The following RERE variants were observed in gnomAD, a reference collection of about 807,000 sequenced individuals.
RERE encodes arginine-glutamic acid dipeptide repeats protein.
In RERE, 40 loss-of-function variants were observed where a neutral mutation model predicts 146.1. That is an observed-to-expected ratio of 0.27 (90% CI 0.21 to 0.36). The LOEUF is 0.36. Ranked by LOEUF, RERE falls within the 10% of genes least tolerant of loss-of-function variation. The pLI, the probability that RERE is intolerant of heterozygous loss-of-function variation, is 1.00. For synonymous variants in RERE, 1,003 were observed against 866.0 expected (o/e 1.16, Z -2.78); for missense variants, 1,933 against 2,138.7 (o/e 0.90, Z 1.90).
At chr1:8,550,700 C>T (rs943885310) in intron 6 of RERE, among the ~76,000 whole-genome samples, 2 of 152,168 alleles carry the variant, frequency 1.3e-5, no homozygotes, top group African/African-American at 4.8e-5. Flanking sequence ...GCACCAGCCA[C>T]CACACTCGGC....
At chr1:8,771,313 G>C (rs1258815348) in intron 1 of RERE, among the ~76,000 whole-genome samples, 1 of 151,840 alleles carries the variant, frequency 6.6e-6, no homozygotes, top group Non-Finnish European at 1.5e-5. Context: ...CTTGAGGTCA[G>C]GAGTTCGAGT....
At chr1:8,525,761 G>T (rs75355390) in intron 7 of RERE, 2 of 1,599,424 alleles carry the variant, frequency 1.3e-6, no homozygotes, top group Non-Finnish European at 1.7e-6. Flanking sequence ...TAGCCTACCT[G>T]CAGGGGCTGA....
intron 1 of RERE, among the ~76,000 whole-genome samples, chr1:8,735,505 T>C (rs1640177257): frequency 6.6e-6 from 1 of 152,200 alleles, no homozygotes; most frequent in East Asian, 1.9e-4. Flanking sequence ...ATCTTTGAGA[T>C]TGTTCCGTGT....
At chr1:8,623,926 A>C (rs1474854839) in intron 3 of RERE, among the ~76,000 whole-genome samples, 1 of 152,224 alleles carries the variant, frequency 6.6e-6, no homozygotes, top group Non-Finnish European at 1.5e-5. Context: ...TTTCCACTGG[A>C]AACTATTCTC....
At chr1:8,639,680 C>T (rs754801190) in intron 2 of RERE, among the ~76,000 whole-genome samples, 3 of 152,198 alleles carry the variant, frequency 2.0e-5, no homozygotes, top group Non-Finnish European at 2.9e-5. Flanking sequence ...GGTAATTAAA[C>T]TACTACTTTT....
chr1:8,503,061 G>A (rs1040447930), intron 8 of RERE, among the ~76,000 whole-genome samples: 17 of 148,520 alleles, frequency 1.1e-4, no homozygotes, highest in African/African-American at 4.0e-4. Context: ...CCCCCTCTGC[G>A]AGAAACACCC....
At position 8,353,115 on chromosome 1, in the gene RERE, G is replaced by A. The variant is rs951153446; in HGVS notation, c.*1972C>T. 1 of 152,462 alleles carries A rather than the reference G, an allele frequency of 6.6e-6. No individual in the cohort carries two copies. The allele number at this position is 152,462 out of a possible 1,614,324, so 9.4% of individuals were successfully genotyped here. ...GCCTGTCCCCACCCCAGAAGGAAAC[G>A]AATGCCTTCAAGCCAATGTGGCCTG... On this transcript the variant is annotated 3_prime_UTR_variant, in exon 23 of 23. Transcript: ENST00000400908.
intron 2 of RERE, among the ~76,000 whole-genome samples, chr1:8,634,925 T>G (rs1336846919): frequency 6.6e-6 from 1 of 152,082 alleles, no homozygotes; most frequent in Admixed American, 6.5e-5. Flanking sequence ...TTAGTAGAGA[T>G]GAGGTTTCAC....
At chr1:8,459,146 G>A (rs1252558969) in intron 11 of RERE, among the ~76,000 whole-genome samples, 2 of 152,130 alleles carry the variant, frequency 1.3e-5, no homozygotes, top group African/African-American at 2.4e-5. Context: ...TTCAAAGGCC[G>A]ATGGGAATTA....
intron 11 of RERE, among the ~76,000 whole-genome samples, chr1:8,442,332 C>T (rs1360163870): frequency 2.0e-5 from 3 of 147,838 alleles, no homozygotes; most frequent in African/African-American, 7.6e-5. Context: ...CACAGTGGAC[C>T]AAGATGGTGC....
intron 12 of RERE, among the ~76,000 whole-genome samples, chr1:8,392,665 T>C (rs2661863): frequency 0.73 from 111,715 of 152,002 alleles, 41,570 homozygotes; most frequent in East Asian, 0.91. Flanking sequence ...AGTCCATCTA[T>C]GAGGGACGTG....
intron 1 of RERE, among the ~76,000 whole-genome samples, chr1:8,793,174 A>AAAAAAAAAAAAG (rs756022312): frequency 2.7e-4 from 34 of 127,072 alleles, no homozygotes; most frequent in East Asian, 4.9e-4. Flanking sequence ...AAAAAAAAAA[A>AAAAAAAAAAAAG]AAAGAAAGAA....
intron 11 of RERE, among the ~76,000 whole-genome samples, chr1:8,426,370 C>G (rs1182004457): frequency 1.3e-5 from 2 of 150,858 alleles, no homozygotes; most frequent in Non-Finnish European, 2.9e-5. Flanking sequence ...AGGAGAATGG[C>G]GTCAACCCGG....
At chr1:8,789,484 A>G (rs1162598608) in intron 1 of RERE, among the ~76,000 whole-genome samples, 2 of 151,444 alleles carry the variant, frequency 1.3e-5, no homozygotes, top group Non-Finnish European at 2.9e-5. Context: ...ACACAGATGC[A>G]CACATAACTC....
rs1308385933 is a variant in RERE at position 8,364,442 on chromosome 1, C to T, written c.1541-187G>A. Among the ~76,000 whole-genome samples, 5 of 152,172 alleles carry T rather than the reference C, an allele frequency of 3.3e-5. No individual in the cohort carries two copies. The East Asian group carries it at 9.7e-4, about 29-fold the overall frequency. ...CAAGGCCAGGAGAGGGTTTCAGGGG[C>T]ATCTGCTGCCCACTTCAACTTGGGG... On this transcript the variant is annotated intron_variant, in intron 14 of 22. Transcript: ENST00000400908. The surrounding 1 kb of genome is among the most constrained non-coding windows in gnomAD (Gnocchi z 5.1).
chr1:8,357,496 C>T (rs933897894), intron 20 of RERE, among the ~76,000 whole-genome samples: 4 of 152,194 alleles, frequency 2.6e-5, no homozygotes, highest in East Asian at 1.9e-4. Context: ...AAGCCCTGCA[C>T]GTAGGCTGTC....
chr1:8,763,806 G>C (rs551169632), intron 1 of RERE, among the ~76,000 whole-genome samples: 2 of 151,810 alleles, frequency 1.3e-5, no homozygotes, highest in Admixed American at 1.3e-4. Flanking sequence ...GGGTGTGGTG[G>C]CATGCGCACC....
intron 1 of RERE, among the ~76,000 whole-genome samples, chr1:8,772,493 G>A (rs1425397959): frequency 3.9e-5 from 6 of 152,058 alleles, no homozygotes; most frequent in Non-Finnish European, 7.4e-5. Flanking sequence ...GAAGAAATTC[G>A]GCAGGACTTG....
At chr1:8,474,983 G>C (rs1473933744) in intron 10 of RERE, among the ~76,000 whole-genome samples, 1 of 152,116 alleles carries the variant, frequency 6.6e-6, no homozygotes, top group Non-Finnish European at 1.5e-5. Flanking sequence ...AAAGTATTTG[G>C]AATAAATCTT....
Sources: allele counts gnomAD v4.1 joint callset (sites outside exome capture counted in the v4.1 genomes callset), GRCh38; gene constraint gnomAD v4.1.1; non-coding constraint Gnocchi (gnomAD v3.1); transcripts MANE v1.5; gene names NCBI Gene and HGNC (gene_info 2026-07-23, HGNC 2026-07-21).